The following FGF10 variants were observed in gnomAD, a reference collection of about 807,000 sequenced individuals.
FGF10 encodes fibroblast growth factor 10, also known as FGF-10.
In FGF10, 2 loss-of-function variants were observed where a neutral mutation model predicts 19.8. The observed-to-expected ratio is 0.10, with a 90% CI of 0.04 to 0.32. The LOEUF (loss-of-function observed/expected upper bound fraction) is 0.32, where lower values mean the gene tolerates loss of function less well. Among genes scored for constraint, FGF10 ranks in the 10% least tolerant of loss-of-function variants. The pLI, the probability that FGF10 is intolerant of heterozygous loss-of-function variation, is 1.00. For synonymous variants in FGF10, 112 were observed against 94.0 expected (o/e 1.19, Z -1.10); for missense variants, 191 against 246.3 (o/e 0.78, Z 1.50).
chr5:44,310,641 AG>A (rs1460661102), intron 1 of FGF10, 111 bp from the exon 2 acceptor site: 14 of 771,358 alleles, frequency 1.8e-5, no homozygotes, highest in African/African-American at 1.6e-4. Context: ...TAAAAACAAA[AG>A]GCACAAAACA....
At chr5:44,328,152 G>A (rs1191980326) in intron 1 of FGF10, among the ~76,000 whole-genome samples, 3 of 152,122 alleles carry the variant, frequency 2.0e-5, no homozygotes, top group Non-Finnish European at 4.4e-5. Context: ...AGTGAAGAGA[G>A]TACTGCTCAT....
intron 1 of FGF10, among the ~76,000 whole-genome samples, chr5:44,366,127 C>CTTTTTTTTTTTTTTTTTTTT (rs35522683): frequency 2.7e-5 from 2 of 74,824 alleles, no homozygotes; most frequent in Admixed American, 2.3e-4. Context: ...CAATTATTTC[C>CTTTTTTTTTTTTTTTTTTTT]TTTTTTTTTT....
At chr5:44,377,538 G>A (rs571414500) in intron 1 of FGF10, among the ~76,000 whole-genome samples, 87 of 152,070 alleles carry the variant, frequency 5.7e-4, no homozygotes, top group African/African-American at 2.0e-3. Flanking sequence ...AAATCTCCAC[G>A]GTTACCTATT....
intron 1 of FGF10, among the ~76,000 whole-genome samples, chr5:44,317,151 C>T (rs985229400): frequency 6.6e-6 from 1 of 152,154 alleles, no homozygotes; most frequent in South Asian, 2.1e-4. Flanking sequence ...CACCTCCTAC[C>T]ATTATACACT....
At position 44,340,050 on chromosome 5, in the gene FGF10, A is replaced by C. The variant is rs150358886; in HGVS notation, c.326-29520T>G. Among the ~76,000 whole-genome samples the C allele has an allele frequency of 5.3e-5, 8 of 152,246 alleles. No individual in the cohort carries two copies. The East Asian group carries it at 1.5e-3, about 29-fold the overall frequency. On this transcript the variant is annotated intron_variant, in intron 1 of 2. Transcript: ENST00000264664. ...AAGTAGCCTCATCTTTGTCCCAGTG[A>C]CCACTTGCCACTACTAAGCCAAAGT...
chr5:44,369,347 A>G (rs1414183318), intron 1 of FGF10, among the ~76,000 whole-genome samples: 2 of 152,124 alleles, frequency 1.3e-5, no homozygotes, highest in African/African-American at 4.8e-5. Flanking sequence ...AATCTCGTCA[A>G]TATTCCTTCT....
At chr5:44,307,196 A>G (rs1740099230) in intron 2 of FGF10, among the ~76,000 whole-genome samples, 1 of 152,192 alleles carries the variant, frequency 6.6e-6, no homozygotes, top group South Asian at 2.1e-4. Context: ...TTTATTTCAG[A>G]TGTTTTAAAT....
intron 1 of FGF10, among the ~76,000 whole-genome samples, chr5:44,350,041 A>AACAC (rs542380779): frequency 6.7e-6 from 1 of 150,360 alleles, no homozygotes; most frequent in African/African-American, 2.4e-5. Context: ...AAATTAAACA[A>AACAC]ACACACACAC....
At chr5:44,353,525 G>A (rs920529042) in intron 1 of FGF10, among the ~76,000 whole-genome samples, 1 of 151,404 alleles carries the variant, frequency 6.6e-6, no homozygotes, top group Non-Finnish European at 1.5e-5. Flanking sequence ...ATTGCGTCAA[G>A]CCCCTTGGTA....
chr5:44,360,914 A>T (rs1168551457), intron 1 of FGF10, among the ~76,000 whole-genome samples: 2 of 151,634 alleles, frequency 1.3e-5, no homozygotes, highest in Non-Finnish European at 3.0e-5. Context: ...CAAAATTTGG[A>T]TCTTTTAAAG....
At chr5:44,336,782 AC>A (rs1321454042) in intron 1 of FGF10, among the ~76,000 whole-genome samples, 3 of 152,186 alleles carry the variant, frequency 2.0e-5, no homozygotes, top group Non-Finnish European at 4.4e-5. Flanking sequence ...TGGTAAAATG[AC>A]AGTTACTTTT....
intron 1 of FGF10, among the ~76,000 whole-genome samples, chr5:44,386,346 A>T (rs548331801): frequency 1.3e-5 from 2 of 152,278 alleles, no homozygotes; most frequent in East Asian, 3.9e-4. Flanking sequence ...AAAAAGAAAA[A>T]TGTTTGCTCA....
intron 1 of FGF10, among the ~76,000 whole-genome samples, chr5:44,384,673 T>A (rs973743625): frequency 6.6e-6 from 1 of 152,120 alleles, no homozygotes; most frequent in African/African-American, 2.4e-5. Flanking sequence ...ATTTACTTTT[T>A]TCAGTATGAG....
chr5:44,328,629 A>G (rs10055386), intron 1 of FGF10, among the ~76,000 whole-genome samples: 60,872 of 151,866 alleles, frequency 0.4, 12,904 homozygotes, highest in African/African-American at 0.54. Context: ...GGGCATGGTG[A>G]TGCATGCCTG....
intron 1 of FGF10, among the ~76,000 whole-genome samples, chr5:44,328,794 T>G (rs1342807973): frequency 6.6e-6 from 1 of 152,088 alleles, no homozygotes; most frequent in African/African-American, 2.4e-5. Context: ...GTGAAACAAG[T>G]CAGACACAAA....
At chr5:44,325,014 A>G (rs558705649) in intron 1 of FGF10, among the ~76,000 whole-genome samples, 2 of 152,322 alleles carry the variant, frequency 1.3e-5, no homozygotes, top group East Asian at 3.9e-4. Flanking sequence ...ATTTGTTTTT[A>G]TATAAGGATC....
intron 1 of FGF10, among the ~76,000 whole-genome samples, chr5:44,359,023 T>C (rs1340790793): frequency 6.6e-6 from 1 of 151,564 alleles, no homozygotes; most frequent in Non-Finnish European, 1.5e-5. Context: ...CATATACGCT[T>C]ATCCTTGGCA....
chr5:44,381,232 A>G (rs1467220571), intron 1 of FGF10, among the ~76,000 whole-genome samples: 1 of 152,198 alleles, frequency 6.6e-6, no homozygotes, highest in Non-Finnish European at 1.5e-5. Context: ...ATGCTGGGAT[A>G]AGAAGGAATT....
chr5:44,337,976 T>C (rs1579915405), intron 1 of FGF10, among the ~76,000 whole-genome samples: 2 of 152,138 alleles, frequency 1.3e-5, no homozygotes, highest in Admixed American at 6.6e-5. Context: ...TTATGTGTAA[T>C]GATGACAAAG....
Sources: gnomAD v4.1 joint callset for allele counts (sites outside exome capture counted in the v4.1 genomes callset) on GRCh38, gnomAD v4.1.1 for gene constraint, MANE v1.5 for transcripts, NCBI Gene and HGNC (gene_info 2026-07-23, HGNC 2026-07-21) for gene names.